The following BABAM2 variants were observed in gnomAD, a reference collection of about 807,000 sequenced individuals.
BABAM2 encodes the protein BRISC and BRCA1-A complex member 2.
BABAM2 carries 31 observed loss-of-function variants against 54.7 expected under a neutral mutation model. The ratio of observed to expected loss-of-function variants is 0.57; its 90% confidence interval spans 0.43 to 0.77. The LOEUF (loss-of-function observed/expected upper bound fraction) is 0.77, where lower values mean the gene tolerates loss of function less well. BABAM2 is among the 30% of genes least tolerant of loss of function. The probability of loss-of-function intolerance (pLI) is 0.00; values close to 1 mark genes in which losing one functional copy is unlikely to be tolerated. For missense variants in BABAM2, 364 were observed against 455.8 expected, an observed-to-expected ratio of 0.80 and a Z score of 1.83; for synonymous variants, 167 against 162.9, an observed-to-expected ratio of 1.03 and a Z score of -0.19.
chr2:28,160,761 G>T (rs1414734580), intron 7 of BABAM2, among the ~76,000 whole-genome samples: 7 of 131,670 alleles, frequency 5.3e-5, no homozygotes, highest in African/African-American at 2.0e-4. Flanking sequence ...TTTAAATAAA[G>T]AGTAGGTAGG....
At chr2:28,309,855 C>A (rs184093660) in intron 11 of BABAM2, 10 of 521,252 alleles carry the variant, frequency 1.9e-5, no homozygotes, top group South Asian at 1.8e-4. Context: ...CCCGAGAAGA[C>A]AATAAAGTCA....
At chr2:28,331,327 A>G (rs1235161967) in intron 11 of BABAM2, among the ~76,000 whole-genome samples, 3 of 152,218 alleles carry the variant, frequency 2.0e-5, no homozygotes, top group Non-Finnish European at 4.4e-5. Context: ...AATGGGATCT[A>G]ATTAAACTAA....
At chr2:28,274,612 A>T (rs1228290747) in intron 10 of BABAM2, among the ~76,000 whole-genome samples, 5 of 152,070 alleles carry the variant, frequency 3.3e-5, no homozygotes, top group African/African-American at 1.2e-4. Context: ...TTGTGTTTTT[A>T]GTAGAGACAG....
At chr2:27,985,810 G>T (rs527553704) in intron 3 of BABAM2, among the ~76,000 whole-genome samples, 1 of 152,132 alleles carries the variant, frequency 6.6e-6, no homozygotes, top group Admixed American at 6.6e-5. Context: ...TTGACACAGC[G>T]TGTCACAGTA....
rs948536881 is a variant in BABAM2, at chr2:28,338,718, C to G, written c.*205C>G. On this transcript the variant is annotated 3_prime_UTR_variant, in exon 12 of 12. Transcript: ENST00000379624. ...CCCTGGATCCTAGAGCCCTTCACTT[C>G]GGGTTACTCCCTCTTTCTTGCCTCT... 19 of 542,546 alleles carry G rather than the reference C, an allele frequency of 3.5e-5. No homozygotes were observed. Among genetic ancestry groups the G allele is most frequent in the African/African-American group, 3.4e-4 (18 of 52,430 alleles). The allele number at this position is 542,546 out of a possible 1,614,324, so 33.6% of individuals were successfully genotyped here. A position where few individuals can be genotyped will look rare whatever the true frequency, so the allele number is the denominator to read the frequency against.
At chr2:28,278,897 A>G (rs1686102351) in intron 10 of BABAM2, among the ~76,000 whole-genome samples, 1 of 152,232 alleles carries the variant, frequency 6.6e-6, no homozygotes, top group Non-Finnish European at 1.5e-5. Context: ...GATGGTGCCC[A>G]TTGATGGTGT....
intron 6 of BABAM2, among the ~76,000 whole-genome samples, chr2:28,103,679 TG>T (rs2148712423): frequency 6.6e-6 from 1 of 152,280 alleles, no homozygotes; most frequent in Non-Finnish European, 1.5e-5. Flanking sequence ...ATCACTGAAG[TG>T]GGAAGAATAG....
At chr2:27,964,964 G>A (rs963142295) in intron 3 of BABAM2, among the ~76,000 whole-genome samples, 1 of 152,122 alleles carries the variant, frequency 6.6e-6, no homozygotes, top group Admixed American at 6.6e-5. Context: ...GAAATAATGA[G>A]GTTTTTGTTA....
At chr2:27,909,899 A>G (rs1054058629) in intron 2 of BABAM2, among the ~76,000 whole-genome samples, 1 of 152,238 alleles carries the variant, frequency 6.6e-6, no homozygotes, top group Non-Finnish European at 1.5e-5. Context: ...GGACAGTAAT[A>G]TAACAATAGC....
chr2:27,917,772 A>C (rs1208608677), intron 2 of BABAM2, among the ~76,000 whole-genome samples: 1 of 152,148 alleles, frequency 6.6e-6, no homozygotes, highest in Non-Finnish European at 1.5e-5. Flanking sequence ...TTTATAGATT[A>C]TAAAACATAC....
chr2:28,334,834 G>A (rs1691285164), intron 11 of BABAM2, among the ~76,000 whole-genome samples: 1 of 152,184 alleles, frequency 6.6e-6, no homozygotes, highest in Non-Finnish European at 1.5e-5. Context: ...AGGGAACAGA[G>A]CCCAGGGCTT....
intron 7 of BABAM2, among the ~76,000 whole-genome samples, chr2:28,198,515 G>A (rs1467766739): frequency 6.6e-6 from 1 of 152,036 alleles, no homozygotes; most frequent in Non-Finnish European, 1.5e-5. Flanking sequence ...TGATCAGAAC[G>A]GCCTGAAAAC....
chr2:28,053,138 G>A (rs1185573947), intron 6 of BABAM2, among the ~76,000 whole-genome samples: 1 of 152,120 alleles, frequency 6.6e-6, no homozygotes, highest in East Asian at 1.9e-4. Flanking sequence ...ACATTGAAAA[G>A]CCTTTGATTC....
chr2:27,940,238 A>C (rs1474696276), intron 3 of BABAM2, among the ~76,000 whole-genome samples: 1 of 152,230 alleles, frequency 6.6e-6, no homozygotes, highest in Non-Finnish European at 1.5e-5. Context: ...GCAGCTATTC[A>C]CATAAAAAGA....
chr2:28,062,502 G>T (rs1226688829), intron 6 of BABAM2, among the ~76,000 whole-genome samples: 1 of 149,388 alleles, frequency 6.7e-6, no homozygotes, highest in African/African-American at 2.5e-5. Context: ...GGTGGAGGTT[G>T]CAGTGAGCCA....
chr2:28,183,187 C>T (rs1675828562), intron 7 of BABAM2, among the ~76,000 whole-genome samples: 1 of 152,118 alleles, frequency 6.6e-6, no homozygotes, highest in African/African-American at 2.4e-5. Context: ...ACCTGTAATC[C>T]CAGCACTTTG....
intron 2 of BABAM2, among the ~76,000 whole-genome samples, chr2:27,922,086 G>A (rs1367050865): frequency 5.9e-5 from 9 of 152,204 alleles, no homozygotes; most frequent in Non-Finnish European, 1.3e-4. Context: ...TGGAGACTAA[G>A]ATATGGTTAG....
chr2:28,306,005 G>A (rs536440257), intron 11 of BABAM2, among the ~76,000 whole-genome samples: 1 of 152,106 alleles, frequency 6.6e-6, no homozygotes, highest in African/African-American at 2.4e-5. Flanking sequence ...TTATAGTTGT[G>A]CTTCTTGAAT....
At chr2:28,157,367 C>A (rs975366695) in intron 7 of BABAM2, among the ~76,000 whole-genome samples, 5 of 152,190 alleles carry the variant, frequency 3.3e-5, no homozygotes, top group Non-Finnish European at 7.3e-5. Context: ...TTTTAAAATG[C>A]AGTCAGCCAT....
Sources: allele counts gnomAD v4.1 joint callset (sites outside exome capture counted in the v4.1 genomes callset), GRCh38; gene constraint gnomAD v4.1.1; transcripts MANE v1.5; gene names NCBI Gene and HGNC (gene_info 2026-07-23, HGNC 2026-07-21).